The following PRELP variants were observed in gnomAD, a reference collection of about 807,000 sequenced individuals.
The protein encoded by PRELP is prolargin.
PRELP carries 16 observed loss-of-function variants against 22.8 expected under a neutral mutation model. The observed-to-expected ratio is 0.70, with a 90% CI of 0.47 to 1.06. PRELP has a LOEUF of 1.06. Ranked by LOEUF, PRELP falls within the 50% of genes least tolerant of loss-of-function variation. The probability of loss-of-function intolerance (pLI) is 0.00; values close to 1 mark genes in which losing one functional copy is unlikely to be tolerated. For missense variants in PRELP, 434 were observed against 485.2 expected (o/e 0.89, Z 0.99); for synonymous variants, 233 against 211.4 (o/e 1.10, Z -0.89).
At position 203,486,968 on chromosome 1, in the gene PRELP, CCTTT is replaced by C. The variant is rs751620012; in HGVS notation, c.*94_*97del. On this transcript the variant is annotated 3_prime_UTR_variant, in exon 3 of 3. Transcript: ENST00000343110. The stretch of plus-strand genomic sequence containing the variant: ...GCCGGCCATTCGTTTTCTCTCTCTC[CCTTT>C]CTTTCTCCCAGCTTTGCCTCCCTTA... The C allele has an allele frequency of 3.6e-6, 5 of 1,379,146 alleles. No individual in the cohort carries two copies. Among genetic ancestry groups the C allele is most frequent in the African/African-American group, 1.5e-5 (1 of 68,794 alleles). 85.4% of individuals were successfully genotyped at this position (1,379,146 alleles called of 1,614,324 possible).
rs1368113080 is a variant in PRELP at position 203,487,646 on chromosome 1, G to A, written c.*765G>A. The A allele has an allele frequency of 3.9e-5, 6 of 152,688 alleles. No individual in the cohort carries two copies. The highest frequency in any genetic ancestry group is 3.9e-4 in the Admixed American group (6 of 15,292). 9.5% of individuals were successfully genotyped at this position (152,688 alleles called of 1,614,324 possible). ...AGGAAGCAGCCATGGGAGAGGGGAA[G>A]GGTTCAAGCCCGGGATGGGCCCGCG... On this transcript the variant is annotated 3_prime_UTR_variant, in exon 3 of 3. Coordinates refer to ENST00000343110, the MANE Select transcript of PRELP (RefSeq NM_002725.4).
intron 1 of PRELP, among the ~76,000 whole-genome samples, chr1:203,476,921 A>G (rs530667086): frequency 1.3e-5 from 2 of 149,696 alleles, no homozygotes; most frequent in African/African-American, 2.5e-5. Context: ...AGGTTGGCAA[A>G]AGGTCCTGTG....
chr1:203,483,408 G>A lies in PRELP; in HGVS notation c.224G>A (p.Arg75His), dbSNP rs766710985. Reference sequence around the variant, plus strand: ...CCATCTATCTTCCCTGACTGTCCCCGCGAATGCTACTGCCCCCCTGATTTC... The same window carrying A: ...CCATCTATCTTCCCTGACTGTCCCCACGAATGCTACTGCCCCCCTGATTTC... ...GPPSIFPDCP[R>H]ECYCPPDFPS... is the part of the protein sequence containing the mutation. Residue 75 changes from arginine to histidine, a missense_variant, in exon 2 of 3, where the codon CGC (arginine) becomes CAC (histidine). Arg to His is a conservative substitution (Grantham distance 29). Transcript: ENST00000343110. This position sits in a 1 kb window ranked among gnomAD's most constrained non-coding sequence, Gnocchi z 4.4. 2.6e-5 allele frequency: 42 copies of A among 1,613,910 alleles called. No individual in the cohort carries two copies. The highest frequency in any genetic ancestry group is 3.1e-5 in the Non-Finnish European group (37 of 1,179,978).
Position 203,483,896 on chromosome 1 carries a change from C to T in PRELP, c.712C>T (p.Pro238Ser). ...LAHNILRKMP[P>S]RVPTAIHQLY... ...CCACAACATCCTGAGAAAGATGCCGCCCAGGGTCCCCACCGCCATTCACCA... is the reference window on the plus strand; with the variant it reads ...CCACAACATCCTGAGAAAGATGCCGTCCAGGGTCCCCACCGCCATTCACCA... Residue 238 changes from proline to serine, a missense_variant, in exon 2 of 3, where the codon CCC becomes TCC. Pro to Ser is a moderately conservative substitution (Grantham distance 74). Coordinates refer to ENST00000343110, the MANE Select transcript of PRELP (RefSeq NM_002725.4). The surrounding 1 kb of genome is among the most constrained non-coding windows in gnomAD (Gnocchi z 4.4). 1.9e-6 allele frequency: 3 copies of T among 1,614,224 alleles called. No homozygotes were observed. Among genetic ancestry groups the T allele is most frequent in the Non-Finnish European group, 2.5e-6 (3 of 1,180,038 alleles).
At chr1:203,484,860 G>A (rs1661066752) in intron 2 of PRELP, among the ~76,000 whole-genome samples, 1 of 152,186 alleles carries the variant, frequency 6.6e-6, no homozygotes, top group Admixed American at 6.5e-5. Context: ...TTGCAGTTTT[G>A]CTTCAATCAA....
At chr1:203,481,374 A>G (rs1217979622) in intron 1 of PRELP, among the ~76,000 whole-genome samples, 1 of 152,244 alleles carries the variant, frequency 6.6e-6, no homozygotes, top group Non-Finnish European at 1.5e-5. Flanking sequence ...AACTTACACA[A>G]TGTTAATTCA....
Position 203,483,955 on chromosome 1 carries a change from C to T in PRELP, c.771C>T (p.Ile257=). The T allele has an allele frequency of 6.2e-7, 1 of 1,614,244 alleles. No individual in the cohort carries two copies. Among genetic ancestry groups the T allele is most frequent in the South Asian group, 1.1e-5 (1 of 91,090 alleles). Residue 257 remains isoleucine, a synonymous_variant, in exon 2 of 3, where the codon ATC becomes ATT. Coordinates refer to ENST00000343110, the MANE Select transcript of PRELP (RefSeq NM_002725.4). The surrounding 1 kb of genome is among the most constrained non-coding windows in gnomAD (Gnocchi z 4.4). ...LYLDSNKIET[I]PNGYFKSFPN... is the part of the protein sequence containing the mutation. ...TGGACAGTAACAAGATTGAGACCAT[C>T]CCTAACGGATACTTCAAGAGCTTTC...
intron 1 of PRELP, among the ~76,000 whole-genome samples, chr1:203,481,184 A>G (rs1384051049): frequency 6.6e-6 from 1 of 152,232 alleles, no homozygotes; most frequent in African/African-American, 2.4e-5. Context: ...GGCTTCTCAC[A>G]GTATGAAAGA....
chr1:203,476,034 C>T (rs1231640270), intron 1 of PRELP, 96 bp downstream of exon 1: 2 of 152,584 alleles, frequency 1.3e-5, no homozygotes, highest in Admixed American at 1.3e-4. Flanking sequence ...AGTCTCTATC[C>T]TCTCACTCCT....
chr1:203,490,644 C>A lies in PRELP; in HGVS notation c.*3763C>A. ...ATGGTCTACATGCCATGCGGAAGTC[C>A]ACCGAAGGGTTAGAACAGGGTGTCC... On this transcript the variant is annotated 3_prime_UTR_variant, in exon 3 of 3. Coordinates refer to ENST00000343110, the MANE Select transcript of PRELP (RefSeq NM_002725.4). 6.6e-6 allele frequency: 1 copy of A among 152,194 alleles called. No individual in the cohort carries two copies. The highest frequency in any genetic ancestry group is 1.5e-5 in the Non-Finnish European group (1 of 68,034). The allele number at this position is 152,194 out of a possible 1,614,324, so 9.4% of individuals were successfully genotyped here.
intron 1 of PRELP, among the ~76,000 whole-genome samples, chr1:203,481,889 A>G (rs1661006583): frequency 6.6e-6 from 1 of 152,162 alleles, no homozygotes; most frequent in Admixed American, 6.6e-5. Context: ...ATTTCAAGCC[A>G]TTTTTAGCAA....
Position 203,483,944 on chromosome 1 carries a change from A to G in PRELP, c.760A>G (p.Ile254Val). The G allele has an allele frequency of 6.2e-7, 1 of 1,614,194 alleles. No homozygotes were observed. The stretch of plus-strand genomic sequence containing the variant: ...CCAGCTCTACCTGGACAGTAACAAG[A>G]TTGAGACCATCCCTAACGGATACTT... ...IHQLYLDSNKIETIPNGYFKS... is the reference protein window; with the variant it reads ...IHQLYLDSNKVETIPNGYFKS... The change falls in exon 2 of 3, where the codon ATT (isoleucine) becomes GTT (valine). Residue 254 changes from isoleucine to valine, a missense_variant. Ile to Val is a conservative substitution (Grantham distance 29). Coordinates refer to ENST00000343110, the MANE Select transcript of PRELP (RefSeq NM_002725.4). This position sits in a 1 kb window ranked among gnomAD's most constrained non-coding sequence, Gnocchi z 4.4.
Position 203,483,457 on chromosome 1 carries a change from C to T in PRELP, c.273C>T (p.Ser91=). The T allele has an allele frequency of 1.9e-6, 3 of 1,614,204 alleles. No individual in the cohort carries two copies. Among genetic ancestry groups the T allele is most frequent in the Non-Finnish European group, 2.5e-6 (3 of 1,180,038 alleles). ...PDFPSALYCD[S]RNLRKVPVIP... The stretch of plus-strand genomic sequence containing the variant: ...TCCCATCTGCCCTCTACTGTGATAG[C>T]CGCAACCTGCGAAAGGTCCCTGTCA... Residue 91 remains serine, a synonymous_variant, in exon 2 of 3, where the codon AGC becomes AGT. Transcript: ENST00000343110. This position sits in a 1 kb window ranked among gnomAD's most constrained non-coding sequence, Gnocchi z 4.4.
chr1:203,483,024 G>T lies in PRELP; in HGVS notation c.-16-145G>T, dbSNP rs555065638. 42 of 696,008 alleles carry T rather than the reference G, an allele frequency of 6.0e-5. No individual in the cohort carries two copies. Among genetic ancestry groups the T allele is most frequent in the South Asian group, 4.8e-4 (22 of 45,844 alleles). The allele number at this position is 696,008 out of a possible 1,614,324, so 43.1% of individuals were successfully genotyped here. On this transcript the variant is annotated intron_variant, in intron 1 of 2. Transcript: ENST00000343110. This position sits in a 1 kb window ranked among gnomAD's most constrained non-coding sequence, Gnocchi z 4.4. The stretch of plus-strand genomic sequence containing the variant: ...GTTATTCCCTTACCTGCTGGGTACA[G>T]GCAAACAAGGAGATGCTTCCACAGC...
chr1:203,480,819 C>T (rs1356245734), intron 1 of PRELP, among the ~76,000 whole-genome samples: 2 of 152,194 alleles, frequency 1.3e-5, no homozygotes, highest in Non-Finnish European at 1.5e-5. Flanking sequence ...GGAATGTAAA[C>T]GGGTCAGAGG....
At position 203,483,008 on chromosome 1, in the gene PRELP, T is replaced by G. The variant is rs139369311; in HGVS notation, c.-16-161T>G. Among the ~76,000 whole-genome samples, 141 of 152,270 alleles carry G rather than the reference T, an allele frequency of 9.3e-4. 1 individual carries two copies. The highest frequency in any genetic ancestry group is 5.0e-3 in the Admixed American group (76 of 15,298). ...AGAGCCTCAAGCCCTTGTTATTCCC[T>G]TACCTGCTGGGTACAGGCAAACAAG... On this transcript the variant is annotated intron_variant, in intron 1 of 2. Transcript: ENST00000343110. The surrounding 1 kb of genome is among the most constrained non-coding windows in gnomAD (Gnocchi z 4.4).
intron 1 of PRELP, among the ~76,000 whole-genome samples, chr1:203,476,429 C>T (rs557291320): frequency 1.3e-5 from 2 of 152,334 alleles, no homozygotes; most frequent in East Asian, 3.9e-4. Flanking sequence ...AGCTAGACCA[C>T]ATCATCACCA....
chr1:203,484,290 C>T, intron 2 of PRELP, 133 bp downstream of exon 2: 8 of 1,355,162 alleles, frequency 5.9e-6, no homozygotes, highest in Non-Finnish European at 7.9e-6. Context: ...CAATTCATGG[C>T]CTTGCCACTT....
At chr1:203,477,951 G>A (rs973304194) in intron 1 of PRELP, among the ~76,000 whole-genome samples, 5 of 152,136 alleles carry the variant, frequency 3.3e-5, no homozygotes, top group African/African-American at 1.2e-4. Flanking sequence ...AAGCCACAAA[G>A]GGGAGGAAGT....
Sources: gnomAD v4.1 joint callset for allele counts (sites outside exome capture counted in the v4.1 genomes callset) on GRCh38, gnomAD v4.1.1 for gene constraint, Gnocchi (gnomAD v3.1) non-coding constraint, MANE v1.5 for transcripts, NCBI Gene and HGNC (gene_info 2026-07-23, HGNC 2026-07-21) for gene names.